Variants in CTNND2 observed in about 807,000 individuals in gnomAD.
The protein encoded by CTNND2 is catenin delta 2.
In CTNND2, 22 loss-of-function variants were observed where a neutral mutation model predicts 144.4. The ratio of observed to expected loss-of-function variants is 0.15; its 90% confidence interval spans 0.11 to 0.22. The LOEUF (loss-of-function observed/expected upper bound fraction) is 0.22, where lower values mean the gene tolerates loss of function less well. Among genes scored for constraint, CTNND2 ranks in the 10% least tolerant of loss-of-function variants. CTNND2 has a pLI of 1.00. For missense variants in CTNND2, 1,353 were observed against 1,618.8 expected, an observed-to-expected ratio of 0.84 and a Z score of 2.82; for synonymous variants, 751 against 695.6, an observed-to-expected ratio of 1.08 and a Z score of -1.25.
At chr5:11,408,892 A>C (rs1252470109) in intron 5 of CTNND2, among the ~76,000 whole-genome samples, 3 of 151,904 alleles carry the variant, frequency 2.0e-5, no homozygotes, top group Non-Finnish European at 4.4e-5. Context: ...CCCTCTATTT[A>C]TCTCTTCTGG....
chr5:11,102,271 T>C lies in CTNND2; in HGVS notation c.2464-3523A>G, dbSNP rs12516638. Reference sequence around the variant, plus strand: ...TTTGTGCAAGTCATTCACATGCTGTTGAACAGGAAAACAGACCAAAGGATA... The same window carrying C: ...TTTGTGCAAGTCATTCACATGCTGTCGAACAGGAAAACAGACCAAAGGATA... On this transcript the variant is annotated intron_variant, in intron 14 of 21. Transcript: ENST00000304623. 3.3e-3 allele frequency among the ~76,000 whole-genome samples: 498 copies of C among 152,360 alleles called. 2 individuals are homozygous for C. The highest frequency in any genetic ancestry group is 0.011 in the South Asian group (51 of 4,834).
At chr5:11,465,981 T>A (rs1021108596) in intron 3 of CTNND2, among the ~76,000 whole-genome samples, 6 of 152,164 alleles carry the variant, frequency 3.9e-5, no homozygotes, top group Non-Finnish European at 7.4e-5. Flanking sequence ...ACGAACTTCA[T>A]GAAATTTTTA....
intron 21 of CTNND2, among the ~76,000 whole-genome samples, chr5:10,975,111 C>T (rs1264735332): frequency 6.6e-6 from 1 of 152,172 alleles, no homozygotes; most frequent in Non-Finnish European, 1.5e-5. Flanking sequence ...AATGAATGTG[C>T]AACATCTGCA....
At chr5:11,844,380 G>GCACACA (rs140419072) in intron 1 of CTNND2, among the ~76,000 whole-genome samples, 1 of 149,528 alleles carries the variant, frequency 6.7e-6, no homozygotes, top group Non-Finnish European at 1.5e-5. Context: ...ACACACATAT[G>GCACACA]CACACACACA....
intron 3 of CTNND2, among the ~76,000 whole-genome samples, chr5:11,536,529 G>A (rs1774232068): frequency 6.6e-6 from 1 of 152,188 alleles, no homozygotes; most frequent in Admixed American, 6.5e-5. Flanking sequence ...TATTTACCAT[G>A]AAATACTACT....
In CTNND2 at chr5:11,368,388, T is replaced by G. The variant is rs548804558; in HGVS notation, c.1178-3498A>C. The stretch of plus-strand genomic sequence containing the variant: ...AGAACCTACCTGACTACTGACCACT[T>G]GGCTGTGGGGTTGGTGTTGGGGGAG... On this transcript the variant is annotated intron_variant, in intron 7 of 21. Transcript: ENST00000304623. 3.3e-5 allele frequency among the ~76,000 whole-genome samples: 5 copies of G among 152,234 alleles called. No individual in the cohort carries two copies. In the East Asian group the frequency reaches 9.7e-4, roughly 29 times the overall value.
At chr5:11,852,085 A>G (rs1468673941) in intron 1 of CTNND2, among the ~76,000 whole-genome samples, 3 of 151,998 alleles carry the variant, frequency 2.0e-5, no homozygotes, top group East Asian at 1.9e-4. Context: ...AACGGCATTC[A>G]TTGTTCCTTC....
intron 1 of CTNND2, among the ~76,000 whole-genome samples, chr5:11,828,492 T>C (rs1312568001): frequency 6.6e-6 from 1 of 152,080 alleles, no homozygotes; most frequent in African/African-American, 2.4e-5. Context: ...ATCATGCCAC[T>C]GGACTCCGGC....
Position 11,128,029 on chromosome 5 carries a change from G to GA in CTNND2, c.2160-10463dup, listed in dbSNP as rs752396401. The stretch of plus-strand genomic sequence containing the variant: ...AACAGGTTACTTTATATGGAAAAAA[G>GA]AAAAAAAAAAGACGTTGCAGATGGA... On this transcript the variant is annotated intron_variant, in intron 12 of 21. Transcript: ENST00000304623. Among the ~76,000 whole-genome samples, 1,228 of 144,762 alleles carry GA rather than the reference G, an allele frequency of 8.5e-3. 9 individuals are homozygous for GA. Among genetic ancestry groups the GA allele is most frequent in the East Asian group, 0.027 (132 of 4,952 alleles). 95.0% of individuals were successfully genotyped at this position (144,762 alleles called of 152,430 possible).
chr5:11,879,341 G>GTGTATATATATATATA, intron 1 of CTNND2, among the ~76,000 whole-genome samples: 4 of 109,344 alleles, frequency 3.7e-5, no homozygotes, highest in Non-Finnish European at 4.1e-5. Context: ...TTAAATGTGT[G>GTGTATATATATATATA]TATATATATA....
intron 12 of CTNND2, among the ~76,000 whole-genome samples, chr5:11,144,700 C>A (rs924122084): frequency 6.6e-6 from 1 of 152,052 alleles, no homozygotes; most frequent in Admixed American, 6.6e-5. Flanking sequence ...AAGGGACCGC[C>A]GTCTCACCCC....
At chr5:11,462,217 C>A (rs1320075470) in intron 3 of CTNND2, among the ~76,000 whole-genome samples, 5 of 152,130 alleles carry the variant, frequency 3.3e-5, no homozygotes, top group Non-Finnish European at 5.9e-5. Flanking sequence ...AGAGCAAAGA[C>A]TGAGGATCAG....
At chr5:11,680,579 GA>G (rs1416741527) in intron 2 of CTNND2, among the ~76,000 whole-genome samples, 2 of 152,162 alleles carry the variant, frequency 1.3e-5, no homozygotes, top group African/African-American at 4.8e-5. Flanking sequence ...GGTTTTCAGC[GA>G]GAAATTATCA....
At chr5:11,165,157 A>G (rs1859381) in intron 11 of CTNND2, among the ~76,000 whole-genome samples, 4,481 of 152,310 alleles carry the variant, frequency 0.029, 157 homozygotes, top group East Asian at 0.09. Flanking sequence ...AAATCCAAAC[A>G]AGAATAGAAA....
At chr5:11,033,384 A>G (rs1483312744) in intron 16 of CTNND2, among the ~76,000 whole-genome samples, 1 of 152,222 alleles carries the variant, frequency 6.6e-6, no homozygotes, top group Non-Finnish European at 1.5e-5. Context: ...TAACTTTTCT[A>G]TTCTCTGGAT....
At chr5:11,553,001 C>T (rs1025572162) in intron 3 of CTNND2, among the ~76,000 whole-genome samples, 1 of 152,186 alleles carries the variant, frequency 6.6e-6, no homozygotes, top group Admixed American at 6.5e-5. Flanking sequence ...CATATTTATA[C>T]ACTTACAGCA....
chr5:11,841,947 C>T (rs560099501), intron 1 of CTNND2, among the ~76,000 whole-genome samples: 9 of 151,944 alleles, frequency 5.9e-5, no homozygotes, highest in Non-Finnish European at 1.0e-4. Flanking sequence ...TGAAGGTCTG[C>T]TCTCTTCTTT....
chr5:11,768,147 T>C (rs1789704228), intron 1 of CTNND2, among the ~76,000 whole-genome samples: 1 of 152,200 alleles, frequency 6.6e-6, no homozygotes, highest in South Asian at 2.1e-4. Flanking sequence ...AGGTTTTCTG[T>C]GGTCTCTTCA....
chr5:11,073,245 T>C (rs912310428), intron 16 of CTNND2, among the ~76,000 whole-genome samples: 1 of 152,226 alleles, frequency 6.6e-6, no homozygotes, highest in Admixed American at 6.5e-5. Context: ...GTAAAAACAT[T>C]ATCCTGCAAA....
Sources: gnomAD v4.1 joint callset for allele counts (sites outside exome capture counted in the v4.1 genomes callset) on GRCh38, gnomAD v4.1.1 for gene constraint, MANE v1.5 for transcripts, NCBI Gene and HGNC (gene_info 2026-07-23, HGNC 2026-07-21) for gene names.